Variants in RTCA observed in about 807,000 individuals in gnomAD.
The protein encoded by RTCA is RNA terminal phosphate cyclase domain 1.
RTCA carries 37 observed loss-of-function variants against 46.1 expected under a neutral mutation model. That is an observed-to-expected ratio of 0.80 (90% CI 0.62 to 1.06). The LOEUF is 1.06. RTCA is among the 50% of genes least tolerant of loss of function. The pLI is 0.00. For missense variants in RTCA, 435 were observed against 455.5 expected (o/e 0.95, Z 0.41); for synonymous variants, 164 against 158.3 (o/e 1.04, Z -0.27).
At chr1:100,275,970 G>A (rs1158068187) in intron 7 of RTCA, among the ~76,000 whole-genome samples, 3 of 151,676 alleles carry the variant, frequency 2.0e-5, no homozygotes, top group Non-Finnish European at 4.4e-5. Context: ...TGAGTAGCTG[G>A]GACTACAGGC....
chr1:100,290,487 T>C (rs879402953), intron 10 of RTCA, among the ~76,000 whole-genome samples: 3 of 152,198 alleles, frequency 2.0e-5, no homozygotes, highest in Admixed American at 2.0e-4. Context: ...TACAGTGATA[T>C]AGGCCAGGCA....
chr1:100,288,308 A>C (rs1157198011), intron 10 of RTCA, among the ~76,000 whole-genome samples: 1 of 152,198 alleles, frequency 6.6e-6, no homozygotes, highest in Non-Finnish European at 1.5e-5. Context: ...TTTCAGTAAC[A>C]TGTAGCATAT....
chr1:100,276,092 C>T (rs1441514558), intron 7 of RTCA, among the ~76,000 whole-genome samples: 4 of 152,156 alleles, frequency 2.6e-5, no homozygotes, highest in South Asian at 4.1e-4. Flanking sequence ...GCCTTGGCCT[C>T]CCAAAGTGCT....
At chr1:100,275,084 C>G in intron 6 of RTCA, 119 bp downstream of exon 6, 1 of 1,078,508 alleles carries the variant, frequency 9.3e-7, no homozygotes, top group Non-Finnish European at 1.3e-6. Context: ...GAAATAATGT[C>G]CTTTGTGGCA....
At chr1:100,266,734 C>T (rs1665800932) in intron 2 of RTCA, 110 bp downstream of exon 2, 1 of 923,338 alleles carries the variant, frequency 1.1e-6, no homozygotes, top group Non-Finnish European at 1.7e-6. Flanking sequence ...AGGTCCCAGA[C>T]GCAGGTATGG....
intron 1 of RTCA, 33 bp downstream of exon 1, chr1:100,266,453 C>A: frequency 6.2e-7 from 1 of 1,608,232 alleles, no homozygotes; most frequent in Non-Finnish European, 8.5e-7. Flanking sequence ...GGGGCTGCAG[C>A]CTAACTAAGG....
chr1:100,268,814 C>G (rs1028952359), intron 3 of RTCA, among the ~76,000 whole-genome samples: 3 of 152,080 alleles, frequency 2.0e-5, no homozygotes, highest in Non-Finnish European at 4.4e-5. Flanking sequence ...AGCTAAGAGG[C>G]TATGTCGAAT....
intron 5 of RTCA, among the ~76,000 whole-genome samples, chr1:100,274,254 G>T (rs935340291): frequency 6.6e-6 from 1 of 152,156 alleles, no homozygotes; most frequent in African/African-American, 2.4e-5. Context: ...AGCTCTTTGA[G>T]GGGAGGAGTA....
chr1:100,277,472 T>G (rs1570882256), intron 8 of RTCA, among the ~76,000 whole-genome samples, 156 bp downstream of exon 8: 1 of 152,206 alleles, frequency 6.6e-6, no homozygotes, highest in East Asian at 1.9e-4. Context: ...ACTTTCAGTC[T>G]TTCTCCCACC....
At chr1:100,287,282 CTT>C (rs1667078934) in intron 10 of RTCA, 79 bp downstream of exon 10, 5 of 971,544 alleles carry the variant, frequency 5.1e-6, no homozygotes, top group South Asian at 1.8e-5. Flanking sequence ...TAATAGGAAA[CTT>C]AATAGTAATC....
chr1:100,277,661 A>G (rs143480438), intron 8 of RTCA, among the ~76,000 whole-genome samples: 2 of 152,336 alleles, frequency 1.3e-5, no homozygotes, highest in East Asian at 1.9e-4. Context: ...TGCAGCATAT[A>G]TGTCCAAAGA....
At chr1:100,272,707 C>T (rs372187857) in intron 4 of RTCA, among the ~76,000 whole-genome samples, 5 of 152,126 alleles carry the variant, frequency 3.3e-5, no homozygotes, top group Non-Finnish European at 5.9e-5. Flanking sequence ...AAAGTCAGTT[C>T]GATGGGATGT....
chr1:100,270,704 A>G, intron 4 of RTCA, 24 bp downstream of exon 4: 4 of 1,611,160 alleles, frequency 2.5e-6, no homozygotes, highest in Non-Finnish European at 3.4e-6. Context: ...TTGTTGACAA[A>G]CTAAGATGAT....
chr1:100,273,646 GTTAT>G (rs912680467), intron 5 of RTCA, among the ~76,000 whole-genome samples, 194 bp downstream of exon 5: 1 of 152,170 alleles, frequency 6.6e-6, no homozygotes, highest in Non-Finnish European at 1.5e-5. Flanking sequence ...ACACATCATG[GTTAT>G]TTATTTCTAG....
At position 100,292,068 on chromosome 1, in the gene RTCA, C is replaced by T. The variant is rs114473754; in HGVS notation, c.*564C>T. ...TCAGCTTCCTGAGTAGTTGGTATTA[C>T]ACCACCATGCCCAGCTAATTTTTGT... On this transcript the variant is annotated 3_prime_UTR_variant, in exon 11 of 11. Transcript: ENST00000370128. The T allele has an allele frequency of 8.5e-3, 1,287 of 152,174 alleles. 19 individuals are homozygous for T. The highest frequency in any genetic ancestry group is 0.033 in the South Asian group (157 of 4,818). The allele number at this position is 152,174 out of a possible 1,614,324, so 9.4% of individuals were successfully genotyped here. A position where few individuals can be genotyped will look rare whatever the true frequency, so the allele number is the denominator to read the frequency against.
intron 8 of RTCA, among the ~76,000 whole-genome samples, chr1:100,279,526 A>G (rs185835676): frequency 6.6e-6 from 1 of 152,306 alleles, no homozygotes; most frequent in East Asian, 1.9e-4. Flanking sequence ...CTTTAGTCCA[A>G]GCTACTCGGG....
intron 3 of RTCA, 30 bp from the exon 4 acceptor site, chr1:100,270,527 G>T: frequency 1.2e-6 from 2 of 1,600,684 alleles, no homozygotes; most frequent in South Asian, 1.1e-5. Flanking sequence ...AAAAGAAAAT[G>T]AAAATAAGCC....
chr1:100,286,454 CAAAAAAAAAAAAA>C (rs754851046), intron 9 of RTCA, among the ~76,000 whole-genome samples: 4 of 45,360 alleles, frequency 8.8e-5, no homozygotes, highest in Non-Finnish European at 1.8e-4. Flanking sequence ...GACTCCGTCT[CAAAAAAAAAAAAA>C]AAAAAAAAAC....
rs190317141 is a variant in RTCA, at chr1:100,285,159, T to G, written c.800-69T>G. ...AGTGCTAATTGGGATATACCAAACT[T>G]TTTGTCTCTTAGTAATTAGTTTTGT... On this transcript the variant is annotated intron_variant, in intron 8 of 10. Transcript: ENST00000370128. 14 of 1,394,906 alleles carry G rather than the reference T, an allele frequency of 1.0e-5. No homozygotes were observed. In the African/African-American group the frequency reaches 1.7e-4, roughly 17 times the overall value. 86.4% of individuals were successfully genotyped at this position (1,394,906 alleles called of 1,614,324 possible).
Sources: gnomAD v4.1 joint callset for allele counts (sites outside exome capture counted in the v4.1 genomes callset) on GRCh38, gnomAD v4.1.1 for gene constraint, MANE v1.5 for transcripts, NCBI Gene and HGNC (gene_info 2026-07-23, HGNC 2026-07-21) for gene names.